The following SNTA1 variants were observed in gnomAD, a reference collection of about 807,000 sequenced individuals.
The protein encoded by SNTA1 is syntrophin alpha 1.
Under a neutral mutation model 47.1 loss-of-function variants are expected in SNTA1, and 31 were observed. That is an observed-to-expected ratio of 0.66 (90% CI 0.49 to 0.89). SNTA1 has a LOEUF of 0.89. Among genes scored for constraint, SNTA1 ranks in the 40% least tolerant of loss-of-function variants. The pLI is 0.00. For missense variants in SNTA1, 575 were observed against 693.0 expected (o/e 0.83, Z 1.91); for synonymous variants, 300 against 313.6 (o/e 0.96, Z 0.46).
intron 2 of SNTA1, among the ~76,000 whole-genome samples, chr20:33,423,090 T>C (rs558958158): frequency 6.6e-6 from 1 of 152,266 alleles, no homozygotes; most frequent in South Asian, 2.1e-4. Flanking sequence ...CGCTACATGC[T>C]CAGCAAATGA....
At chr20:33,439,062 G>A (rs746905146) in intron 1 of SNTA1, 36 bp from the exon 2 acceptor site, 7 of 1,576,380 alleles carry the variant, frequency 4.4e-6, no homozygotes, top group Non-Finnish European at 6.1e-6. Flanking sequence ...GACTTAGGCA[G>A]ATACTCCAAC....
intron 1 of SNTA1, 84 bp from the exon 2 acceptor site, chr20:33,439,110 G>T: frequency 7.9e-7 from 1 of 1,260,676 alleles, no homozygotes; most frequent in Non-Finnish European, 1.2e-6. Context: ...ATTTCTGAAG[G>T]CTTCCCTTGG....
chr20:33,412,211 G>A, intron 5 of SNTA1, 85 bp downstream of exon 5: 5 of 1,458,806 alleles, frequency 3.4e-6, no homozygotes, highest in Non-Finnish European at 4.7e-6. Context: ...GGGTGGACAG[G>A]GCTGGAGTTC....
At chr20:33,435,381 G>A (rs1990417442) in intron 2 of SNTA1, among the ~76,000 whole-genome samples, 1 of 150,856 alleles carries the variant, frequency 6.6e-6, no homozygotes, top group Non-Finnish European at 1.5e-5. Context: ...GCAGATCACT[G>A]AGGCCGGGAG....
Position 33,408,227 on chromosome 20 carries a change from C to T in SNTA1, c.*280G>A. ...GATCCGCACAGGGGCAGGTCCCAGA[C>T]TCGGAATGGCTTCTGTGTACACAAA... On this transcript the variant is annotated 3_prime_UTR_variant, in exon 8 of 8. Coordinates refer to ENST00000217381, the MANE Select transcript of SNTA1 (RefSeq NM_003098.3). 2.1e-6 allele frequency: 1 copy of T among 471,340 alleles called. No homozygotes were observed. The highest frequency in any genetic ancestry group is 2.1e-5 in the South Asian group (1 of 48,712). The allele number at this position is 471,340 out of a possible 1,614,324, so 29.2% of individuals were successfully genotyped here.
At position 33,409,406 on chromosome 20, in the gene SNTA1, A is replaced by G. The variant is rs149853256; in HGVS notation, c.1238-518T>C. On this transcript the variant is annotated intron_variant, in intron 6 of 7. Transcript: ENST00000217381. ...ACTGGGGCAAGAAAACCCCAGGGAG[A>G]AGAGTCTCTGCCTGCTAGGGCACCT... is the stretch of plus-strand genomic sequence containing the variant. 5.3e-5 allele frequency among the ~76,000 whole-genome samples: 8 copies of G among 152,178 alleles called. 1 individual carries two copies. The highest frequency in any genetic ancestry group is 1.9e-4 in the African/African-American group (8 of 41,520).
At chr20:33,428,938 G>A (rs1990229850) in intron 2 of SNTA1, among the ~76,000 whole-genome samples, 1 of 151,954 alleles carries the variant, frequency 6.6e-6, no homozygotes, top group African/African-American at 2.4e-5. Context: ...CTACTTGGGA[G>A]GCTGAGGCAG....
chr20:33,408,575 T>C lies in SNTA1; in HGVS notation c.1450A>G (p.Lys484Glu), dbSNP rs1267154737. The change falls in exon 8 of 8, where the codon AAA becomes GAA. Residue 484 changes from lysine to glutamate, a missense_variant. Transcript: ENST00000217381. ...GAGTGGATGATGAAGACTATGGTTT[T>C]GGGACACGAGTGCAGGTCCAGCTGC... is the stretch of plus-strand genomic sequence containing the variant. ...EIQLDLHSCP[K>E]TIVFIIHSFL... The C allele has an allele frequency of 5.6e-6, 9 of 1,614,144 alleles. No individual in the cohort carries two copies. Among genetic ancestry groups the C allele is most frequent in the Non-Finnish European group, 7.6e-6 (9 of 1,179,994 alleles).
chr20:33,417,983 A>G (rs1015666820), intron 2 of SNTA1, 60 bp from the exon 3 acceptor site: 8 of 1,077,018 alleles, frequency 7.4e-6, no homozygotes, highest in East Asian at 4.7e-5. Context: ...ACATATCACA[A>G]TTGTCACTAA....
intron 1 of SNTA1, among the ~76,000 whole-genome samples, chr20:33,441,900 G>A (rs2146812463): frequency 6.6e-6 from 1 of 152,178 alleles, no homozygotes; most frequent in South Asian, 2.1e-4. Flanking sequence ...CTGGAGATTG[G>A]GGGTAAGACT....
intron 3 of SNTA1, among the ~76,000 whole-genome samples, chr20:33,416,472 A>T (rs886237783): frequency 6.6e-6 from 1 of 152,174 alleles, no homozygotes; most frequent in Non-Finnish European, 1.5e-5. Flanking sequence ...TGGTTGTGTG[A>T]TCTCAAGTAG....
chr20:33,424,852 C>G (rs111895885), intron 2 of SNTA1, among the ~76,000 whole-genome samples: 2 of 150,872 alleles, frequency 1.3e-5, no homozygotes, highest in Admixed American at 6.6e-5. Flanking sequence ...CACAGTGGCT[C>G]GTGCCTGTAA....
At chr20:33,418,043 G>C (rs1471090191) in intron 2 of SNTA1, 120 bp from the exon 3 acceptor site, 14 of 676,472 alleles carry the variant, frequency 2.1e-5, no homozygotes, top group East Asian at 1.0e-4. Context: ...TAGTAAGCAA[G>C]AGTCCAGTAG....
chr20:33,436,888 C>T (rs1201635204), intron 2 of SNTA1, among the ~76,000 whole-genome samples: 1 of 150,920 alleles, frequency 6.6e-6, no homozygotes, highest in Non-Finnish European at 1.5e-5. Context: ...ATCGCTTGAA[C>T]CTGGAAGGCG....
chr20:33,434,529 A>G (rs931932609), intron 2 of SNTA1, among the ~76,000 whole-genome samples: 1 of 152,154 alleles, frequency 6.6e-6, no homozygotes, highest in African/African-American at 2.4e-5. Context: ...CTCAGAGAAT[A>G]TAAGAGCAGG....
chr20:33,412,195 A>G (rs1283801020), intron 5 of SNTA1, 101 bp downstream of exon 5: 7 of 1,320,382 alleles, frequency 5.3e-6, no homozygotes, highest in Non-Finnish European at 7.3e-6. Context: ...CCTGGGGAAT[A>G]GCTGAGGGTG....
chr20:33,408,957 C>G, intron 6 of SNTA1, 69 bp from the exon 7 acceptor site: 2 of 1,415,674 alleles, frequency 1.4e-6, no homozygotes, highest in Admixed American at 1.7e-5. Flanking sequence ...CTCCAACCCC[C>G]ACCGCAGCTT....
rs1313813244 is a variant in SNTA1 at position 33,407,961 on chromosome 20, G to A, written c.*546C>T. On this transcript the variant is annotated 3_prime_UTR_variant, in exon 8 of 8. Coordinates refer to ENST00000217381, the MANE Select transcript of SNTA1 (RefSeq NM_003098.3). Reference sequence around the variant, plus strand: ...GGCCAAGGCACAGACCACATACACTGGGCCGGGCTGCCTGTGTGCTCACAG... The same window carrying A: ...GGCCAAGGCACAGACCACATACACTAGGCCGGGCTGCCTGTGTGCTCACAG... 1.0e-5 allele frequency: 2 copies of A among 199,772 alleles called. No homozygotes were observed. The highest frequency in any genetic ancestry group is 4.6e-5 in the African/African-American group (2 of 43,232). 12.4% of individuals were successfully genotyped at this position (199,772 alleles called of 1,614,324 possible).
At position 33,433,887 on chromosome 20, in the gene SNTA1, G is replaced by T. The variant is rs1990370497; in HGVS notation, c.496+4954C>A. ...ATGTTCTAGGAGGCAGGTTGGGGTT[G>T]CTGAGGCTCAGCTGAGCCCCCAACT... On this transcript the variant is annotated intron_variant, in intron 2 of 7. Coordinates refer to ENST00000217381, the MANE Select transcript of SNTA1 (RefSeq NM_003098.3). Among the ~76,000 whole-genome samples, 3 of 152,180 alleles carry T rather than the reference G, an allele frequency of 2.0e-5. No homozygotes were observed. The South Asian group carries it at 6.2e-4, about 32-fold the overall frequency.
Sources: allele counts gnomAD v4.1 joint callset (sites outside exome capture counted in the v4.1 genomes callset), GRCh38; gene constraint gnomAD v4.1.1; transcripts MANE v1.5; gene names NCBI Gene and HGNC (gene_info 2026-07-23, HGNC 2026-07-21).